The following SNX29 variants were observed in gnomAD, a reference collection of about 807,000 sequenced individuals.
The protein encoded by SNX29 is sorting nexin 29, also known as sorting nexin-29.
SNX29 carries 78 observed loss-of-function variants against 102.1 expected under a neutral mutation model. That is an observed-to-expected ratio of 0.76 (90% CI 0.64 to 0.92). The LOEUF (loss-of-function observed/expected upper bound fraction) is 0.92. SNX29 is among the 40% of genes least tolerant of loss of function. The pLI is 0.00. For synonymous variants in SNX29, 580 were observed against 414.5 expected (o/e 1.40, Z -4.85); for missense variants, 1,280 against 1,061.7 (o/e 1.21, Z -2.86).
chr16:12,229,572 T>G (rs2077711214), intron 14 of SNX29, among the ~76,000 whole-genome samples: 1 of 152,228 alleles, frequency 6.6e-6, no homozygotes, highest in African/African-American at 2.4e-5. Context: ...TTTTCATCTT[T>G]TACAATTCCC....
intron 16 of SNX29, among the ~76,000 whole-genome samples, chr16:12,393,567 G>A (rs1427954594): frequency 6.6e-6 from 1 of 152,176 alleles, no homozygotes; most frequent in Non-Finnish European, 1.5e-5. Flanking sequence ...CAGATAACCA[G>A]CGTGGAGTCA....
chr16:12,492,478 G>A (rs2088599312), intron 19 of SNX29, among the ~76,000 whole-genome samples: 1 of 152,108 alleles, frequency 6.6e-6, no homozygotes. Flanking sequence ...CATTTTGCAG[G>A]TTGCCTGTTC....
chr16:12,456,554 T>C (rs2086548982), intron 18 of SNX29, among the ~76,000 whole-genome samples: 1 of 152,002 alleles, frequency 6.6e-6, no homozygotes, highest in South Asian at 2.1e-4. Flanking sequence ...GAAAGTGATG[T>C]ATACCTGGTG....
chr16:12,538,025 A>G (rs951695334), intron 20 of SNX29, among the ~76,000 whole-genome samples: 1 of 152,162 alleles, frequency 6.6e-6, no homozygotes. Flanking sequence ...TTATAGACCA[A>G]AATCGTCCTG....
chr16:12,380,714 T>TTCCATCCACCCACCA (rs2151424080), intron 16 of SNX29, among the ~76,000 whole-genome samples: 1 of 84,300 alleles, frequency 1.2e-5, no homozygotes, highest in South Asian at 4.9e-4. Context: ...CAACCATCAA[T>TTCCATCCACCCACCA]TCCATCCACC....
At chr16:12,420,007 T>C (rs982325637) in intron 18 of SNX29, among the ~76,000 whole-genome samples, 4 of 152,232 alleles carry the variant, frequency 2.6e-5, no homozygotes, top group Non-Finnish European at 5.9e-5. Context: ...TGGTGAAATA[T>C]GTGCATCTCC....
At chr16:12,271,927 G>A (rs913209498) in intron 14 of SNX29, among the ~76,000 whole-genome samples, 4 of 152,138 alleles carry the variant, frequency 2.6e-5, no homozygotes, top group African/African-American at 4.8e-5. Context: ...CCTGCCTGGG[G>A]TCCATCTTCG....
chr16:12,468,220 G>T (rs1171296889), intron 18 of SNX29, among the ~76,000 whole-genome samples: 1 of 129,372 alleles, frequency 7.7e-6, no homozygotes. Context: ...TGTTTCCCAG[G>T]CTGGAGTGCA....
At chr16:12,244,419 GC>G (rs1253306010) in intron 14 of SNX29, among the ~76,000 whole-genome samples, 3 of 152,150 alleles carry the variant, frequency 2.0e-5, no homozygotes, top group African/African-American at 7.2e-5. Context: ...GACCAGCCTG[GC>G]CAACATGGAG....
At chr16:12,409,423 T>TGTC in intron 18 of SNX29, among the ~76,000 whole-genome samples, 1 of 34,318 alleles carries the variant, frequency 2.9e-5, no homozygotes, top group Non-Finnish European at 8.7e-5. Flanking sequence ...TTCACTGTCT[T>TGTC]TTTTTTTTTT....
intron 15 of SNX29, among the ~76,000 whole-genome samples, chr16:12,317,903 C>G (rs921854031): frequency 1.3e-5 from 2 of 152,252 alleles, no homozygotes; most frequent in Non-Finnish European, 2.9e-5. Flanking sequence ...CAGGACCCGA[C>G]TGAGAGCTGA....
At chr16:12,415,758 G>A (rs539784665) in intron 18 of SNX29, among the ~76,000 whole-genome samples, 83 of 152,258 alleles carry the variant, frequency 5.5e-4, no homozygotes, top group African/African-American at 1.3e-3. Flanking sequence ...GGAACAGTTG[G>A]CACCTGCCCT....
rs1444962052 is a variant in SNX29, at chr16:12,573,934, G to C, written c.*5305G>C. Reference sequence around the variant, plus strand: ...TGACACCGACTTCTTAGAGAAGCGAGTCTTTTTTGAATGGAGGAGCGATGG... The same window carrying C: ...TGACACCGACTTCTTAGAGAAGCGACTCTTTTTTGAATGGAGGAGCGATGG... On this transcript the variant is annotated 3_prime_UTR_variant, in exon 21 of 21. Transcript: ENST00000566228. 1 of 200,892 alleles carries C rather than the reference G, an allele frequency of 5.0e-6. No homozygotes were observed. The highest frequency in any genetic ancestry group is 1.0e-5 in the Non-Finnish European group (1 of 97,430). The allele number at this position is 200,892 out of a possible 1,614,324, so 12.4% of individuals were successfully genotyped here. A position where few individuals can be genotyped will look rare whatever the true frequency, so the allele number is the denominator to read the frequency against.
intron 11 of SNX29, among the ~76,000 whole-genome samples, chr16:12,089,114 GA>G (rs1330610523): frequency 1.1e-5 from 1 of 89,720 alleles, no homozygotes; most frequent in Non-Finnish European, 2.3e-5. Flanking sequence ...AGAGGAGAGA[GA>G]GAGAGAGAGA....
rs143993587 is a variant in SNX29 at position 12,392,660 on chromosome 16, C to G, written c.1900-5786C>G. On this transcript the variant is annotated intron_variant, in intron 16 of 20. Transcript: ENST00000566228. ...GTTTGTGTGAGGTTTCAGTGCTGCC[C>G]AGAGGATAAAATAAAAATTCTTTAA... 1.1e-4 allele frequency among the ~76,000 whole-genome samples: 17 copies of G among 152,246 alleles called. No individual in the cohort carries two copies. The East Asian group carries it at 2.9e-3, about 26-fold the overall frequency.
intron 20 of SNX29, among the ~76,000 whole-genome samples, chr16:12,563,217 T>G (rs1330508644): frequency 1.3e-5 from 2 of 151,800 alleles, no homozygotes; most frequent in African/African-American, 2.4e-5. Flanking sequence ...TTGAGGCTCA[T>G]ACCCTGAAAG....
intron 20 of SNX29, among the ~76,000 whole-genome samples, chr16:12,545,944 C>T (rs533614126): frequency 9.2e-5 from 14 of 152,116 alleles, no homozygotes; most frequent in African/African-American, 2.9e-4. Flanking sequence ...ATGTATTATC[C>T]TGACAACTAA....
intron 9 of SNX29, among the ~76,000 whole-genome samples, chr16:12,066,563 C>A (rs1023207537): frequency 6.6e-6 from 1 of 152,092 alleles, no homozygotes; most frequent in South Asian, 2.1e-4. Flanking sequence ...TGAGCACTGT[C>A]GTCTTCACGG....
intron 19 of SNX29, among the ~76,000 whole-genome samples, chr16:12,519,275 T>TC (rs978533167): frequency 4.3e-4 from 65 of 152,246 alleles, no homozygotes; most frequent in Non-Finnish European, 8.4e-4. Context: ...TGGCACCATG[T>TC]CCCCCAAAAG....
Sources: allele counts gnomAD v4.1 joint callset (sites outside exome capture counted in the v4.1 genomes callset), GRCh38; gene constraint gnomAD v4.1.1; transcripts MANE v1.5; gene names NCBI Gene and HGNC (gene_info 2026-07-23, HGNC 2026-07-21).